The following PWWP2A variants were observed in gnomAD, a reference collection of about 807,000 sequenced individuals.
The protein encoded by PWWP2A is PWWP domain-containing protein 2A.
A neutral mutation model predicts 48.5 loss-of-function variants in PWWP2A; 18 were observed. The ratio of observed to expected loss-of-function variants is 0.37; its 90% confidence interval spans 0.26 to 0.55. The LOEUF (loss-of-function observed/expected upper bound fraction) is 0.55, where lower values mean the gene tolerates loss of function less well. PWWP2A is among the 20% of genes least tolerant of loss of function. PWWP2A has a pLI of 0.81. For synonymous variants in PWWP2A, 396 were observed against 387.7 expected, an observed-to-expected ratio of 1.02 and a Z score of -0.25; for missense variants, 867 against 976.4, an observed-to-expected ratio of 0.89 and a Z score of 1.49.
chr5:160,081,650 T>C (rs978769717), intron 2 of PWWP2A, among the ~76,000 whole-genome samples: 1 of 152,190 alleles, frequency 6.6e-6, no homozygotes, highest in Non-Finnish European at 1.5e-5. Context: ...CTGTGTGAGG[T>C]AATACCTCGT....
chr5:160,108,515 G>A lies in PWWP2A; in HGVS notation c.584+10290C>T, dbSNP rs2113639910. 6 of 1,130,178 alleles carry A rather than the reference G, an allele frequency of 5.3e-6. No individual in the cohort carries two copies. The South Asian group carries it at 7.7e-5, about 15-fold the overall frequency. The allele number at this position is 1,130,178 out of a possible 1,614,324, so 70.0% of individuals were successfully genotyped here. A position where few individuals can be genotyped will look rare whatever the true frequency, so the allele number is the denominator to read the frequency against. On this transcript the variant is annotated intron_variant, in intron 1 of 1. Transcript: ENST00000307063. ...GGCCTAAGTTCTCAACCTGGACACTGTAGTATAAGCTACTGATACCACTAC... is the reference window on the plus strand; with the variant it reads ...GGCCTAAGTTCTCAACCTGGACACTATAGTATAAGCTACTGATACCACTAC...
rs1444190316 is a variant in PWWP2A, at chr5:160,092,023, TATACAC to T, written c.*353_*358del. The T allele has an allele frequency of 6.5e-5, 31 of 474,968 alleles. 3 individuals are homozygous for T. Among genetic ancestry groups the T allele is most frequent in the South Asian group, 9.0e-5 (1 of 11,166 alleles). The allele number at this position is 474,968 out of a possible 1,614,324, so 29.4% of individuals were successfully genotyped here. The stretch of plus-strand genomic sequence containing the variant: ...ATATATACATACACGGATATATATA[TATACAC>T]ACACACACACGTATATATATGTATA... On this transcript the variant is annotated 3_prime_UTR_variant, in exon 2 of 2. Transcript: ENST00000307063.
At chr5:160,113,011 T>C (rs895079497) in intron 1 of PWWP2A, among the ~76,000 whole-genome samples, 2 of 152,048 alleles carry the variant, frequency 1.3e-5, no homozygotes, top group African/African-American at 4.8e-5. Context: ...ACAAAAAAAT[T>C]AGCCAGGCTT....
chr5:160,117,244 G>T (rs1758231441), intron 1 of PWWP2A, among the ~76,000 whole-genome samples: 1 of 152,232 alleles, frequency 6.6e-6, no homozygotes, highest in African/African-American at 2.4e-5. Context: ...AGGATCGCTT[G>T]AGCCCAGGAG....
At chr5:160,100,269 C>T (rs1240346398) in intron 1 of PWWP2A, among the ~76,000 whole-genome samples, 2 of 151,826 alleles carry the variant, frequency 1.3e-5, no homozygotes, top group African/African-American at 2.4e-5. Context: ...CACCACTGCA[C>T]GCACTCCAGC....
intron 1 of PWWP2A, chr5:160,108,664 C>G (rs747881442): frequency 1.9e-6 from 2 of 1,037,574 alleles, no homozygotes; most frequent in Non-Finnish European, 2.6e-6. Context: ...TCAAAAAACA[C>G]GTAAATTTTC....
intron 2 of PWWP2A, among the ~76,000 whole-genome samples, chr5:160,067,374 A>T (rs529695594): frequency 2.6e-5 from 4 of 152,294 alleles, no homozygotes; most frequent in African/African-American, 9.6e-5. Flanking sequence ...TCCTTGGACT[A>T]CATTTTGAGA....
intron 1 of PWWP2A, among the ~76,000 whole-genome samples, chr5:160,100,968 A>G (rs891421848): frequency 1.3e-5 from 2 of 152,252 alleles, no homozygotes; most frequent in South Asian, 4.1e-4. Flanking sequence ...GTCTACTGAC[A>G]TATGAAAGGA....
At chr5:160,064,972 TG>T in intron 4 of PWWP2A, 1 of 1,613,990 alleles carries the variant, frequency 6.2e-7, no homozygotes, top group Non-Finnish European at 8.5e-7. Flanking sequence ...TCCGACCTTT[TG>T]GGCTCTCCAC....
chr5:160,119,409 C>T lies in PWWP2A; in HGVS notation c.-21G>A, dbSNP rs1300160059. The T allele has an allele frequency of 1.5e-6, 2 of 1,359,746 alleles. No homozygotes were observed. Among genetic ancestry groups the T allele is most frequent in the African/African-American group, 1.5e-5 (1 of 64,972 alleles). 84.2% of individuals were successfully genotyped at this position (1,359,746 alleles called of 1,614,324 possible). A position where few individuals can be genotyped will look rare whatever the true frequency, so the allele number is the denominator to read the frequency against. ...GCCATTTTCTTCCTAGCTTCTCCCT[C>T]CTCCAACTCCGGCTGCAGCGGCGGC... is the stretch of plus-strand genomic sequence containing the variant. On this transcript the variant is annotated 5_prime_UTR_variant, in exon 1 of 2. Coordinates refer to ENST00000307063, the MANE Select transcript of PWWP2A (RefSeq NM_001130864.2).
At chr5:160,101,472 T>A (rs1261803089) in intron 1 of PWWP2A, among the ~76,000 whole-genome samples, 1 of 152,134 alleles carries the variant, frequency 6.6e-6, no homozygotes, top group Admixed American at 6.5e-5. Context: ...AGTAGTCAAA[T>A]TCACAGAAGC....
chr5:160,051,210 T>A, the PWWP2A span: 2 of 1,591,126 alleles, frequency 1.3e-6, no homozygotes, highest in Non-Finnish European at 1.7e-6. Flanking sequence ...CTTTGCTTGA[T>A]CATAAACAGC....
In PWWP2A at chr5:160,093,459, T is replaced by C; in HGVS notation, c.1191A>G (p.Arg397=). ...TTGCCTGAGCAGAAACTTTTACTAC[T>C]CTGCCTCTGCTGTGAGCAATATTTG... is the stretch of plus-strand genomic sequence containing the variant. ...KVSNIAHSRG[R]VVKVSAQANT... Residue 397 remains arginine (R), a synonymous_variant, in exon 2 of 2, where the codon AGA becomes AGG. Coordinates refer to ENST00000307063, the MANE Select transcript of PWWP2A (RefSeq NM_001130864.2). The surrounding 1 kb of genome is among the most constrained non-coding windows in gnomAD (Gnocchi z 5.8). 6.2e-7 allele frequency: 1 copy of C among 1,613,720 alleles called. No homozygotes were observed. The highest frequency in any genetic ancestry group is 1.7e-5 in the Admixed American group (1 of 59,912).
At chr5:160,051,082 G>GTTTTTT in the PWWP2A span, 1 of 1,236,514 alleles carries the variant, frequency 8.1e-7, no homozygotes, top group Non-Finnish European at 1.1e-6. Flanking sequence ...AAAGGTTTTG[G>GTTTTTT]TTTTTTTTTT....
rs1753996592 is a variant in PWWP2A, at chr5:160,078,360, T to C, written c.1670-192A>G. On this transcript the variant is annotated intron_variant, in intron 3 of 3. Coordinates refer to the PWWP2A transcript ENST00000456329. The surrounding 1 kb of genome is among the most constrained non-coding windows in gnomAD (Gnocchi z 4.2). ...CTGCCACTCTAAACCAGCAGAAATA[T>C]TCATGTTATTTCTGAAGTATTATCA... is the stretch of plus-strand genomic sequence containing the variant. Among the ~76,000 whole-genome samples, 2 of 152,212 alleles carry C rather than the reference T, an allele frequency of 1.3e-5. No individual in the cohort carries two copies. Among genetic ancestry groups the C allele is most frequent in the African/African-American group, 4.8e-5 (2 of 41,452 alleles).
intron 1 of PWWP2A, among the ~76,000 whole-genome samples, chr5:160,095,380 CA>C (rs1160934440): frequency 6.6e-6 from 1 of 152,154 alleles, no homozygotes; most frequent in Non-Finnish European, 1.5e-5. Context: ...GGCTGAATAT[CA>C]AGAACCTGAT....
rs867911200 is a variant in PWWP2A, at chr5:160,105,336, C to T, written c.585-11271G>A. On this transcript the variant is annotated intron_variant, in intron 1 of 1. Coordinates refer to ENST00000307063, the MANE Select transcript of PWWP2A (RefSeq NM_001130864.2). ...GGCTGAGGAGAGTGGATCACAAGGTCAGGAGATGGAGACCATCCTGTGAAA... is the reference window on the plus strand; with the variant it reads ...GGCTGAGGAGAGTGGATCACAAGGTTAGGAGATGGAGACCATCCTGTGAAA... 5.7e-4 allele frequency among the ~76,000 whole-genome samples: 84 copies of T among 148,502 alleles called. 1 individual carries two copies. Among genetic ancestry groups the T allele is most frequent in the African/African-American group, 1.1e-3 (43 of 40,262 alleles).
chr5:160,064,983 C>T lies in PWWP2A; in HGVS notation c.*237-1310G>A, dbSNP rs535272318. On this transcript the variant is annotated intron_variant and NMD_transcript_variant, in intron 4 of 5. Transcript: ENST00000524050. Reference sequence around the variant, plus strand: ...GTTCTCCGACCTTTTGGGCTCTCCACGGAAAATTTCCAGATCAAACAGGAT... The same window carrying T: ...GTTCTCCGACCTTTTGGGCTCTCCATGGAAAATTTCCAGATCAAACAGGAT... The T allele has an allele frequency of 6.8e-6, 11 of 1,613,978 alleles. No individual in the cohort carries two copies. In the East Asian group the frequency reaches 8.9e-5, roughly 13 times the overall value.
At chr5:160,075,689 A>C (rs1391587316), downstream of PWWP2A, among the ~76,000 whole-genome samples, 1 of 96,654 alleles carries the variant, frequency 1.0e-5, no homozygotes, top group Non-Finnish European at 2.3e-5. Context: ...ATCCTTCGTC[A>C]TAAAGAGGTC....
Sources: allele counts gnomAD v4.1 joint callset (sites outside exome capture counted in the v4.1 genomes callset), GRCh38; gene constraint gnomAD v4.1.1; non-coding constraint Gnocchi (gnomAD v3.1); transcripts MANE v1.5; gene names NCBI Gene and HGNC (gene_info 2026-07-23, HGNC 2026-07-21).